GLCCI1: variants seen among roughly 807,000 people sequenced by gnomAD.
GLCCI1 encodes glucocorticoid induced 1.
Under a neutral mutation model 52.2 loss-of-function variants are expected in GLCCI1, and 24 were observed. The observed-to-expected ratio is 0.46, with a 90% CI of 0.33 to 0.65. The LOEUF is 0.65. Among genes scored for constraint, GLCCI1 ranks in the 30% least tolerant of loss-of-function variants. The probability of loss-of-function intolerance (pLI) is 0.02; values close to 1 mark genes in which losing one functional copy is unlikely to be tolerated. For synonymous variants in GLCCI1, 310 were observed against 276.5 expected (o/e 1.12, Z -1.20); for missense variants, 704 against 701.5 (o/e 1.00, Z -0.04).
intron 2 of GLCCI1, 147 bp downstream of exon 2, chr7:8,004,206 C>G (rs1181431601): frequency 6.8e-6 from 5 of 732,600 alleles, no homozygotes; most frequent in Non-Finnish European, 1.0e-5. Flanking sequence ...TTTAAATAAA[C>G]TTTGCAGTAA....
At chr7:8,079,236 G>A (rs1782939965) in intron 6 of GLCCI1, among the ~76,000 whole-genome samples, 1 of 151,640 alleles carries the variant, frequency 6.6e-6, no homozygotes, top group Admixed American at 6.6e-5. Context: ...GACCACAATT[G>A]TAGGATACCT....
intron 3 of GLCCI1, chr7:8,024,916 C>T (rs1781580533): frequency 6.6e-6 from 1 of 152,242 alleles, no homozygotes; most frequent in Non-Finnish European, 1.5e-5. Flanking sequence ...AAACCAGCAG[C>T]TTTGCTTCCA....
intron 3 of GLCCI1, among the ~76,000 whole-genome samples, chr7:8,026,923 G>T (rs1334035308): frequency 2.0e-5 from 3 of 152,168 alleles, no homozygotes; most frequent in Non-Finnish European, 2.9e-5. Context: ...CTCCAAGATG[G>T]TAGGTATAAC....
intron 1 of GLCCI1, among the ~76,000 whole-genome samples, 169 bp from the exon 2 acceptor site, chr7:8,003,732 TATTTTCC>T (rs2115426777): frequency 6.6e-6 from 1 of 152,340 alleles, no homozygotes; most frequent in Non-Finnish European, 1.5e-5. Flanking sequence ...AACATGAATG[TATTTTCC>T]TTGGGACATG....
intron 1 of GLCCI1, among the ~76,000 whole-genome samples, chr7:7,995,806 C>T (rs560945989): frequency 1.1e-3 from 163 of 151,832 alleles, no homozygotes; most frequent in African/African-American, 3.8e-3. Context: ...ATGTAAATGA[C>T]GAGTTAATGG....
intron 3 of GLCCI1, among the ~76,000 whole-genome samples, chr7:8,035,470 A>C (rs947197350): frequency 6.6e-6 from 1 of 152,196 alleles, no homozygotes; most frequent in Non-Finnish European, 1.5e-5. Flanking sequence ...ATTCTAGGGC[A>C]ATTAGGTATG....
intron 1 of GLCCI1, among the ~76,000 whole-genome samples, chr7:7,976,518 A>AAAAAAAAAAAAAAAG (rs1562413261): frequency 7.1e-6 from 1 of 140,978 alleles, no homozygotes; most frequent in African/African-American, 2.8e-5. Context: ...AAAGGAAAGG[A>AAAAAAAAAAAAAAAG]GAAAGGAAAA....
chr7:8,023,588 C>CCTTTTTTTTTTTTTTTTTTTTTT (rs1781543370), intron 3 of GLCCI1, among the ~76,000 whole-genome samples: 6 of 41,986 alleles, frequency 1.4e-4, no homozygotes, highest in African/African-American at 6.1e-4. Flanking sequence ...CTCTGTTATT[C>CCTTTTTTTTTTTTTTTTTTTTTT]TTTTTTTTTT....
rs917981326 is a variant in GLCCI1 at position 7,978,146 on chromosome 7, A to G, written c.457+8339A>G. On this transcript the variant is annotated intron_variant, in intron 1 of 7. Coordinates refer to ENST00000223145, the MANE Select transcript of GLCCI1 (RefSeq NM_138426.4). ...CTTCCCTTTGGTCCCTAAAGGACCT[A>G]TCACTTTGTTTAGACAGAATTTAGC... is the stretch of plus-strand genomic sequence containing the variant. Among the ~76,000 whole-genome samples the G allele has an allele frequency of 2.0e-5, 3 of 152,230 alleles. No homozygotes were observed. In the East Asian group the frequency reaches 5.8e-4, roughly 29 times the overall value.
intron 1 of GLCCI1, among the ~76,000 whole-genome samples, chr7:7,975,911 G>C (rs1780457354): frequency 1.3e-5 from 2 of 152,130 alleles, no homozygotes; most frequent in Admixed American, 1.3e-4. Flanking sequence ...ACTTTGTAGT[G>C]AATATAAGTG....
At chr7:7,975,824 T>C (rs1780455436) in intron 1 of GLCCI1, among the ~76,000 whole-genome samples, 1 of 152,130 alleles carries the variant, frequency 6.6e-6, no homozygotes, top group African/African-American at 2.4e-5. Context: ...AGAGAGAAAT[T>C]CTTGTTTCTG....
At chr7:8,061,960 C>T (rs1782527614) in intron 5 of GLCCI1, among the ~76,000 whole-genome samples, 1 of 152,092 alleles carries the variant, frequency 6.6e-6, no homozygotes, top group African/African-American at 2.4e-5. Context: ...AGCCACTGCG[C>T]CCAGCCCATT....
chr7:8,008,530 A>G (rs1181274820), intron 2 of GLCCI1, among the ~76,000 whole-genome samples: 1 of 152,104 alleles, frequency 6.6e-6, no homozygotes, highest in Non-Finnish European at 1.5e-5. Context: ...CCTTGCCTCA[A>G]GTGATCCACT....
At chr7:7,987,819 C>T (rs1479751528) in intron 1 of GLCCI1, among the ~76,000 whole-genome samples, 1 of 152,042 alleles carries the variant, frequency 6.6e-6, no homozygotes, top group East Asian at 1.9e-4. Context: ...GCTGTTCTGG[C>T]CTCAAGTTAT....
intron 3 of GLCCI1, among the ~76,000 whole-genome samples, chr7:8,044,410 C>T (rs1442154025): frequency 6.7e-6 from 1 of 150,150 alleles, no homozygotes; most frequent in African/African-American, 2.5e-5. Context: ...TGCCCTGTCA[C>T]CAGGCTGGAG....
intron 3 of GLCCI1, among the ~76,000 whole-genome samples, chr7:8,042,892 A>G (rs1782034330): frequency 6.6e-6 from 1 of 152,212 alleles, no homozygotes; most frequent in South Asian, 2.1e-4. Flanking sequence ...TGCGAGTAAA[A>G]TGCTATCAAA....
intron 1 of GLCCI1, among the ~76,000 whole-genome samples, chr7:7,991,460 A>G (rs955911538): frequency 2.0e-5 from 3 of 152,076 alleles, no homozygotes; most frequent in African/African-American, 4.8e-5. Context: ...ATAGGCATAC[A>G]CCTATCTAAA....
chr7:8,062,554 T>C (rs1280990054), intron 5 of GLCCI1, among the ~76,000 whole-genome samples: 1 of 152,206 alleles, frequency 6.6e-6, no homozygotes, highest in Non-Finnish European at 1.5e-5. Context: ...TACAGATTAT[T>C]TCACCACCCA....
chr7:8,079,627 T>C (rs1377324161), intron 6 of GLCCI1, among the ~76,000 whole-genome samples: 1 of 151,590 alleles, frequency 6.6e-6, no homozygotes, highest in East Asian at 1.9e-4. Flanking sequence ...GATTATGTTG[T>C]GGAAGAAGCA....
Sources: gnomAD v4.1 joint callset for allele counts (sites outside exome capture counted in the v4.1 genomes callset) on GRCh38, gnomAD v4.1.1 for gene constraint, MANE v1.5 for transcripts, NCBI Gene and HGNC (gene_info 2026-07-23, HGNC 2026-07-21) for gene names.